Variants in SNW1 observed in about 807,000 individuals in gnomAD.
SNW1 encodes SNW domain-containing protein 1.
Under a neutral mutation model 75.6 loss-of-function variants are expected in SNW1, and 9 were observed. The ratio of observed to expected loss-of-function variants is 0.12; its 90% confidence interval spans 0.07 to 0.21. The LOEUF (loss-of-function observed/expected upper bound fraction) is 0.21, where lower values mean the gene tolerates loss of function less well. SNW1 is among the 10% of genes least tolerant of loss of function. The probability of loss-of-function intolerance (pLI) is 1.00; values close to 1 mark genes in which losing one functional copy is unlikely to be tolerated. For synonymous variants in SNW1, 200 were observed against 219.1 expected (o/e 0.91, Z 0.77); for missense variants, 409 against 670.9 (o/e 0.61, Z 4.31).
At chr14:77,728,453 A>G (rs962922951) in intron 10 of SNW1, among the ~76,000 whole-genome samples, 1 of 152,204 alleles carries the variant, frequency 6.6e-6, no homozygotes, top group Non-Finnish European at 1.5e-5. Flanking sequence ...CTCCGTTTCA[A>G]AAAAACCAAA....
chr14:77,747,179 G>A (rs8016175), intron 3 of SNW1, among the ~76,000 whole-genome samples: 126,072 of 152,106 alleles, frequency 0.83, 52,353 homozygotes, highest in Middle Eastern at 0.86. Flanking sequence ...TCGGCCTCCC[G>A]AGGTGCCGGG....
At position 77,751,305 on chromosome 14, in the gene SNW1, C is replaced by A; in HGVS notation, c.330+14G>T. ...TAAAATATTTATCATTCAGGGAAAA[C>A]ATGAGAGGATTACCTTGTCTTTTGA... On this transcript the variant is annotated intron_variant, in intron 3 of 13. Transcript: ENST00000261531. 1 of 1,597,292 alleles carries A rather than the reference C, an allele frequency of 6.3e-7. No homozygotes were observed. Among genetic ancestry groups the A allele is most frequent in the South Asian group, 1.1e-5 (1 of 88,282 alleles).
intron 1 of SNW1, chr14:77,760,875 C>G (rs528083555): frequency 4.7e-6 from 4 of 849,832 alleles, no homozygotes; most frequent in South Asian, 1.4e-5. Context: ...GTGTCTGAGA[C>G]CACTCCGCAG....
intron 3 of SNW1, among the ~76,000 whole-genome samples, chr14:77,744,181 A>T (rs1264217962): frequency 6.6e-6 from 1 of 151,344 alleles, no homozygotes; most frequent in Admixed American, 6.6e-5. Context: ...GGCTGGGCAC[A>T]GCGACTCACG....
Position 77,732,428 on chromosome 14 carries a change from A to C in SNW1, c.891+57T>G. On this transcript the variant is annotated intron_variant, in intron 9 of 13. Transcript: ENST00000261531. ...TAGTTAAATTATCAGTACCTTAGGT[A>C]ACCAAGAATGGATTTTAAAAGTAAC... is the stretch of plus-strand genomic sequence containing the variant. 4 of 956,082 alleles carry C rather than the reference A, an allele frequency of 4.2e-6. No individual in the cohort carries two copies. In the South Asian group the frequency reaches 5.3e-5, roughly 13 times the overall value. 59.2% of individuals were successfully genotyped at this position (956,082 alleles called of 1,614,324 possible).
rs191248394 is a variant in SNW1, at chr14:77,724,529, C to T, written c.1034-1252G>A. On this transcript the variant is annotated intron_variant, in intron 10 of 13. Transcript: ENST00000261531. ...TCCCTGTCCCCAACATCCTTCCCAA[C>T]CACTGGTAACCACCATTCTACTCTC... is the stretch of plus-strand genomic sequence containing the variant. 5.7e-3 allele frequency among the ~76,000 whole-genome samples: 872 copies of T among 152,346 alleles called. 2 individuals are homozygous for T. Among genetic ancestry groups the T allele is most frequent in the South Asian group, 0.022 (107 of 4,832 alleles).
At position 77,739,078 on chromosome 14, in the gene SNW1, C is replaced by A. The variant is rs370975134; in HGVS notation, c.331-17G>T. On this transcript the variant is annotated splice_polypyrimidine_tract_variant and intron_variant, in intron 3 of 13. Transcript: ENST00000261531. ...ATAAATGACCTAAAATGTTCAAACA[C>A]AAGCAGGCTTAAGAAAAGCAAACAA... 2.0e-5 allele frequency: 32 copies of A among 1,584,662 alleles called. No homozygotes were observed. The highest frequency in any genetic ancestry group is 2.7e-5 in the Non-Finnish European group (31 of 1,154,530).
Position 77,717,667 on chromosome 14 carries a change from A to T in SNW1, c.*421T>A. 1 of 1,139,662 alleles carries T rather than the reference A, an allele frequency of 8.8e-7. No homozygotes were observed. 70.6% of individuals were successfully genotyped at this position (1,139,662 alleles called of 1,614,324 possible). ...CAAGAGGTTACTTTGCCCACTCCAA[A>T]TTAAAACAGAGCACAATAGGGGCAA... On this transcript the variant is annotated 3_prime_UTR_variant, in exon 14 of 14. Coordinates refer to ENST00000261531, the MANE Select transcript of SNW1 (RefSeq NM_012245.3).
At chr14:77,729,097 C>A (rs1386551548) in intron 10 of SNW1, among the ~76,000 whole-genome samples, 1 of 152,072 alleles carries the variant, frequency 6.6e-6, no homozygotes, top group Non-Finnish European at 1.5e-5. Context: ...TACTTAAAAC[C>A]CTGGTTATTT....
At position 77,738,726 on chromosome 14, in the gene SNW1, C is replaced by T. The variant is rs2080693564; in HGVS notation, c.533+52G>A. On this transcript the variant is annotated intron_variant, in intron 5 of 13. Transcript: ENST00000261531. ...TTAGTGAAAGAATACCATGACCCCC[C>T]AAGCTGAATCAAGTTCAGAATGAAA... The T allele has an allele frequency of 4.2e-5, 57 of 1,362,818 alleles. No homozygotes were observed. The East Asian group carries it at 1.3e-3, about 30-fold the overall frequency. 84.4% of individuals were successfully genotyped at this position (1,362,818 alleles called of 1,614,324 possible).
At chr14:77,736,946 T>TAGTA (rs2080677566) in intron 6 of SNW1, 25 bp downstream of exon 6, 2 of 1,478,830 alleles carry the variant, frequency 1.4e-6, no homozygotes, top group Non-Finnish European at 1.9e-6. Context: ...TTGTGTGTAT[T>TAGTA]AGTAGCCTAT....
At chr14:77,754,067 G>C (rs1423797301) in intron 2 of SNW1, among the ~76,000 whole-genome samples, 1 of 151,358 alleles carries the variant, frequency 6.6e-6, no homozygotes, top group Admixed American at 6.6e-5. Flanking sequence ...TTTTTGAGAT[G>C]GAGTTTTGCT....
Position 77,732,013 on chromosome 14 carries a change from C to G in SNW1, c.891+472G>C, listed in dbSNP as rs528257440. 3.9e-5 allele frequency among the ~76,000 whole-genome samples: 6 copies of G among 152,244 alleles called. No homozygotes were observed. The East Asian group carries it at 1.2e-3, about 29-fold the overall frequency. ...GGCCTCCCAAAATGCTGGGATTATA[C>G]ACATGAGCCATTGTGCCCAGCCTAA... On this transcript the variant is annotated intron_variant, in intron 9 of 13. Coordinates refer to ENST00000261531, the MANE Select transcript of SNW1 (RefSeq NM_012245.3).
intron 3 of SNW1, among the ~76,000 whole-genome samples, chr14:77,742,854 T>A (rs1370695292): frequency 6.7e-6 from 1 of 150,084 alleles, no homozygotes; most frequent in Non-Finnish European, 1.5e-5. Flanking sequence ...CATGAGCCAA[T>A]GCACTTGGCC....
At chr14:77,747,906 G>A (rs1283894691) in intron 3 of SNW1, among the ~76,000 whole-genome samples, 1 of 152,210 alleles carries the variant, frequency 6.6e-6, no homozygotes, top group Non-Finnish European at 1.5e-5. Flanking sequence ...CCCCGTCTGG[G>A]AGGTGTACCC....
chr14:77,751,856 C>CACACAT (rs1263081189), intron 2 of SNW1, among the ~76,000 whole-genome samples: 1 of 150,788 alleles, frequency 6.6e-6, no homozygotes. Flanking sequence ...CACACACACA[C>CACACAT]ACACACAAAG....
intron 12 of SNW1, among the ~76,000 whole-genome samples, chr14:77,719,074 C>G (rs1595071016): frequency 6.6e-6 from 1 of 152,184 alleles, no homozygotes; most frequent in East Asian, 1.9e-4. Context: ...CCACCATGTC[C>G]AGCTAATTTT....
intron 11 of SNW1, 35 bp downstream of exon 11, chr14:77,723,146 C>A (rs1388240180): frequency 1.9e-6 from 3 of 1,552,962 alleles, no homozygotes; most frequent in Non-Finnish European, 2.7e-6. Context: ...TGCGCCCGGC[C>A]ACCATGATTG....
Position 77,723,232 on chromosome 14 carries a change from C to T in SNW1, c.1079G>A (p.Arg360Gln), listed in dbSNP as rs1414727861. ...RERDEIRHDR[R>Q]KERQHDRNLS... ...ATTCCGGTCATGCTGTCTCTCTTTT[C>T]GCCTGTCATGCCGGATTTCATCCCT... Residue 360 changes from arginine (R) to glutamine (Q), a missense_variant, in exon 11 of 14, where the codon CGA becomes CAA. Physicochemically the swap from Arg to Gln is conservative, Grantham distance 43. This residue lies in a region of SNW1 where 126 missense variants were observed against 167.6 expected (regional missense o/e 0.75). Coordinates refer to ENST00000261531, the MANE Select transcript of SNW1 (RefSeq NM_012245.3). 1.9e-6 allele frequency: 3 copies of T among 1,614,136 alleles called. No homozygotes were observed. Among genetic ancestry groups the T allele is most frequent in the South Asian group, 2.2e-5 (2 of 91,080 alleles).
Sources: allele counts gnomAD v4.1 joint callset (sites outside exome capture counted in the v4.1 genomes callset), GRCh38; gene constraint gnomAD v4.1.1; regional missense constraint gnomAD v4.1.1; transcripts MANE v1.5; gene names NCBI Gene and HGNC (gene_info 2026-07-23, HGNC 2026-07-21).